GALNT9: variants seen among roughly 807,000 people sequenced by gnomAD.
The protein encoded by GALNT9 is GalNAc transferase 9.
A neutral mutation model predicts 63.1 loss-of-function variants in GALNT9; 47 were observed. The ratio of observed to expected loss-of-function variants is 0.75; its 90% CI spans 0.59 to 0.95. GALNT9 has a LOEUF of 0.95. Among genes scored for constraint, GALNT9 ranks in the 40% least tolerant of loss-of-function variants. GALNT9 has a pLI of 0.00. For synonymous variants in GALNT9, 396 were observed against 365.7 expected, an observed-to-expected ratio of 1.08 and a Z score of -0.94; for missense variants, 829 against 874.8, an observed-to-expected ratio of 0.95 and a Z score of 0.66.
chr12:132,225,980 C>G (rs1877661062), intron 6 of GALNT9, among the ~76,000 whole-genome samples: 1 of 144,382 alleles, frequency 6.9e-6, no homozygotes, highest in Non-Finnish European at 1.5e-5. Flanking sequence ...ACTGTACACA[C>G]CCCACACACA....
chr12:132,262,128 T>C (rs979234574), intron 3 of GALNT9, among the ~76,000 whole-genome samples: 1 of 152,204 alleles, frequency 6.6e-6, no homozygotes, highest in Admixed American at 6.5e-5. Context: ...ATGTATCCGG[T>C]TGAGTATCTT....
rs557397127 is a variant in GALNT9 at position 132,286,267 on chromosome 12, G to A, written c.402C>T (p.Pro134=). The part of the protein sequence containing the change: ...SDRISLDRSI[P]DYRPRKCRQM... ...TCACTCACTTTCTGGGCCGGTAGTC[G>A]GGGATGCTCCGATCGAGGGAGATGC... The change falls in exon 2 of 11, where the codon CCC becomes CCT. Residue 134 remains proline (P), a synonymous_variant. Coordinates refer to ENST00000328957, the MANE Select transcript of GALNT9 (RefSeq NM_001122636.2). The surrounding 1 kb of genome is among the most constrained non-coding windows in gnomAD (Gnocchi z 7.4). 25 of 1,550,714 alleles carry A rather than the reference G, an allele frequency of 1.6e-5. No homozygotes were observed. Among genetic ancestry groups the A allele is most frequent in the African/African-American group, 6.8e-5 (5 of 73,152 alleles).
At position 132,287,219 on chromosome 12, in the gene GALNT9, G is replaced by C. The variant is rs540057532; in HGVS notation, c.239-789C>G. Among the ~76,000 whole-genome samples, 32 of 152,324 alleles carry C rather than the reference G, an allele frequency of 2.1e-4. 1 individual carries two copies. The highest frequency in any genetic ancestry group is 7.2e-4 in the African/African-American group (30 of 41,564). ...ATCGGGCAGCATTGGCTCATCGACAGTGACACAGTCACACACGTTCACGCC... is the reference window on the plus strand; with the variant it reads ...ATCGGGCAGCATTGGCTCATCGACACTGACACAGTCACACACGTTCACGCC... On this transcript the variant is annotated intron_variant, in intron 1 of 10. Coordinates refer to ENST00000328957, the MANE Select transcript of GALNT9 (RefSeq NM_001122636.2).
intron 1 of GALNT9, among the ~76,000 whole-genome samples, chr12:132,317,164 C>CTG (rs1555245778): frequency 7.3e-6 from 1 of 137,528 alleles, no homozygotes; most frequent in African/African-American, 3.6e-5. Flanking sequence ...AGAGCACGGC[C>CTG]CCATCCTACA....
Position 132,258,950 on chromosome 12 carries a change from C to A in GALNT9, c.762-1064G>T, listed in dbSNP as rs541652256. 3.6e-3 allele frequency among the ~76,000 whole-genome samples: 553 copies of A among 152,190 alleles called. 3 individuals carry two copies. Among genetic ancestry groups the A allele is most frequent in the African/African-American group, 0.013 (527 of 41,492 alleles). On this transcript the variant is annotated intron_variant, in intron 4 of 10. Transcript: ENST00000328957. ...GGATGGCCTGAGGGCAGATTCGGGT[C>A]GGCTCAGGCAGAGCCGGCATGGGGA...
At chr12:132,229,914 C>A (rs1877829717) in intron 6 of GALNT9, among the ~76,000 whole-genome samples, 1 of 152,206 alleles carries the variant, frequency 6.6e-6, no homozygotes, top group Non-Finnish European at 1.5e-5. Flanking sequence ...AGGCTCTCAG[C>A]CCCAATCTCA....
chr12:132,267,351 C>T (rs549195348), intron 2 of GALNT9, among the ~76,000 whole-genome samples: 3 of 152,134 alleles, frequency 2.0e-5, no homozygotes, highest in Non-Finnish European at 2.9e-5. Flanking sequence ...CCCAGCCACT[C>T]GCTCCAGCAC....
chr12:132,264,972 G>A (rs1317762375), intron 2 of GALNT9, among the ~76,000 whole-genome samples: 1 of 152,166 alleles, frequency 6.6e-6, no homozygotes, highest in East Asian at 1.9e-4. Context: ...CGTCCGCCTC[G>A]CAGGTCGTAC....
chr12:132,290,088 G>A (rs559690510), intron 1 of GALNT9, among the ~76,000 whole-genome samples: 119 of 152,242 alleles, frequency 7.8e-4, no homozygotes, highest in African/African-American at 2.6e-3. Context: ...TGGCCATGGT[G>A]CTTCACTGCT....
At chr12:132,253,412 C>A (rs1202528062) in intron 5 of GALNT9, among the ~76,000 whole-genome samples, 1 of 151,784 alleles carries the variant, frequency 6.6e-6, no homozygotes, top group African/African-American at 2.4e-5. Context: ...GACCAAGGAG[C>A]CCTCAAGCGG....
rs1880569777 is a variant in GALNT9 at position 132,286,033 on chromosome 12, G to GGCAGTCCCCGGCCAGCACGGGGGA, written c.419+193_419+216dup. 6.6e-6 allele frequency among the ~76,000 whole-genome samples: 1 copy of GGCAGTCCCCGGCCAGCACGGGGGA among 152,072 alleles called. No homozygotes were observed. The highest frequency in any genetic ancestry group is 6.5e-5 in the Admixed American group (1 of 15,278). ...CTCCCAGGAGCCCGCAGCTCGTGGG[G>GGCAGTCCCCGGCCAGCACGGGGGA]GCAGTCCCCGGCCAGCACGGGGGAG... is the stretch of plus-strand genomic sequence containing the variant. On this transcript the variant is annotated intron_variant, in intron 2 of 10. Coordinates refer to ENST00000328957, the MANE Select transcript of GALNT9 (RefSeq NM_001122636.2). The surrounding 1 kb of genome is among the most constrained non-coding windows in gnomAD (Gnocchi z 7.4).
intron 6 of GALNT9, among the ~76,000 whole-genome samples, chr12:132,243,270 C>A (rs1186200268): frequency 7.2e-5 from 10 of 138,796 alleles, no homozygotes; most frequent in South Asian, 2.3e-4. Context: ...ATACCCATTA[C>A]ACACACAACA....
chr12:132,225,582 ACAC>A (rs1195536182), intron 6 of GALNT9, among the ~76,000 whole-genome samples: 5,746 of 144,030 alleles, frequency 0.04, 136 homozygotes, highest in South Asian at 0.078. Context: ...CACAACCCAC[ACAC>A]CACATTCTAT....
chr12:132,210,652 G>GGGCTGTGCAGAGCTGGCATGGGCA (rs1304911079), intron 6 of GALNT9, among the ~76,000 whole-genome samples: 3 of 152,250 alleles, frequency 2.0e-5, no homozygotes, highest in Non-Finnish European at 2.9e-5. Flanking sequence ...CTGGGCTGTG[G>GGGCTGTGCAGAGCTGGCATGGGCA]GGCTGTGCAG....
At chr12:132,320,836 C>A (rs1222168740) in intron 1 of GALNT9, among the ~76,000 whole-genome samples, 1 of 152,178 alleles carries the variant, frequency 6.6e-6, no homozygotes, top group Non-Finnish European at 1.5e-5. Context: ...GTGCCGCGTG[C>A]CTCCTTCAGT....
chr12:132,255,836 G>A (rs1456857705), intron 5 of GALNT9, among the ~76,000 whole-genome samples: 1 of 152,158 alleles, frequency 6.6e-6, no homozygotes, highest in Non-Finnish European at 1.5e-5. Context: ...AACACCGCGT[G>A]GACCCACATG....
chr12:132,327,358 A>T lies in GALNT9; in HGVS notation c.238+1608T>A, dbSNP rs1396223388. ...CCCGCCAATGTCAGCAAAGCGGATCATGGGTCCTGGCTTTTTCCACCACCA... is the reference window on the plus strand; with the variant it reads ...CCCGCCAATGTCAGCAAAGCGGATCTTGGGTCCTGGCTTTTTCCACCACCA... On this transcript the variant is annotated intron_variant, in intron 1 of 10. Coordinates refer to ENST00000328957, the MANE Select transcript of GALNT9 (RefSeq NM_001122636.2). This position sits in a 1 kb window ranked among gnomAD's most constrained non-coding sequence, Gnocchi z 4.3. Among the ~76,000 whole-genome samples the T allele has an allele frequency of 6.6e-6, 1 of 151,886 alleles. No homozygotes were observed. Among genetic ancestry groups the T allele is most frequent in the African/African-American group, 2.4e-5 (1 of 41,344 alleles).
At chr12:132,201,367 C>A in intron 7 of GALNT9, 106 bp from the exon 8 acceptor site, 1 of 694,220 alleles carries the variant, frequency 1.4e-6, no homozygotes, top group Non-Finnish European at 2.5e-6. Context: ...CTCACAGGAG[C>A]AGCCTCCCCC....
At chr12:132,312,798 G>C (rs1219066582) in intron 1 of GALNT9, among the ~76,000 whole-genome samples, 1 of 152,154 alleles carries the variant, frequency 6.6e-6, no homozygotes, top group African/African-American at 2.4e-5. Context: ...CTGTTGTCAA[G>C]GGGCAGCAGA....
Sources: gnomAD v4.1 joint callset for allele counts (sites outside exome capture counted in the v4.1 genomes callset) on GRCh38, gnomAD v4.1.1 for gene constraint, Gnocchi (gnomAD v3.1) non-coding constraint, MANE v1.5 for transcripts, NCBI Gene and HGNC (gene_info 2026-07-23, HGNC 2026-07-21) for gene names.